The following NCALD variants were observed in gnomAD, a reference collection of about 807,000 sequenced individuals.
NCALD encodes the protein neurocalcin delta, also known as neurocalcin-delta.
Under a neutral mutation model 18.6 loss-of-function variants are expected in NCALD, and 10 were observed. That is an observed-to-expected ratio of 0.54 (90% confidence interval 0.33 to 0.91). NCALD has a LOEUF of 0.91. NCALD is among the 40% of genes least tolerant of loss of function. NCALD has a pLI of 0.03. For missense variants in NCALD, 184 were observed against 247.6 expected, an observed-to-expected ratio of 0.74 and a Z score of 1.72; for synonymous variants, 88 against 87.4, an observed-to-expected ratio of 1.01 and a Z score of -0.04.
intron 2 of NCALD, among the ~76,000 whole-genome samples, chr8:101,709,594 G>C (rs1815692816): frequency 6.6e-6 from 1 of 152,120 alleles, no homozygotes; most frequent in South Asian, 2.1e-4. Flanking sequence ...CCCATTGATG[G>C]ATCCATAAGG....
chr8:102,087,778 A>T (rs1824787758), intron 1 of NCALD, among the ~76,000 whole-genome samples: 1 of 152,110 alleles, frequency 6.6e-6, no homozygotes, highest in African/African-American at 2.4e-5. Flanking sequence ...AGAGCTGATG[A>T]GACTGCTGGA....
intron 4 of NCALD, among the ~76,000 whole-genome samples, chr8:101,829,679 C>A (rs1397596803): frequency 6.6e-6 from 1 of 151,722 alleles, no homozygotes; most frequent in Non-Finnish European, 1.5e-5. Flanking sequence ...CACACACATA[C>A]AAATTTAAAG....
intron 3 of NCALD, chr8:101,690,379 A>C (rs4734582): frequency 0.83 from 819,332 of 984,642 alleles, 347,622 homozygotes; most frequent in Non-Finnish European, 0.86. Flanking sequence ...TTTCTCTTGA[A>C]AGGAGCTGCC....
intron 4 of NCALD, among the ~76,000 whole-genome samples, chr8:101,856,678 C>T (rs1211023369): frequency 6.6e-6 from 1 of 152,130 alleles, no homozygotes; most frequent in Non-Finnish European, 1.5e-5. Context: ...AGAAAATCCT[C>T]CTCCTTAGCA....
intron 4 of NCALD, among the ~76,000 whole-genome samples, chr8:101,820,296 G>A (rs79105102): frequency 0.021 from 3,210 of 152,242 alleles, 116 homozygotes; most frequent in East Asian, 0.12. Context: ...TTCACTATGT[G>A]TGTGTTCACA....
intron 1 of NCALD, among the ~76,000 whole-genome samples, chr8:102,114,718 G>A (rs76232487): frequency 0.043 from 6,605 of 152,216 alleles, 233 homozygotes; most frequent in East Asian, 0.12. Flanking sequence ...GCTGATTTCT[G>A]GCCAAATTAT....
At chr8:101,799,633 A>G (rs1812764972) in intron 4 of NCALD, among the ~76,000 whole-genome samples, 4 of 152,236 alleles carry the variant, frequency 2.6e-5, no homozygotes, top group African/African-American at 4.8e-5. Flanking sequence ...GCCAGCATGA[A>G]TATCTAGAGA....
intron 1 of NCALD, among the ~76,000 whole-genome samples, chr8:102,115,056 C>T (rs1420033626): frequency 1.3e-5 from 2 of 152,234 alleles, no homozygotes; most frequent in Admixed American, 6.5e-5. Flanking sequence ...GGCATTAATC[C>T]TCCACTAGCA....
chr8:102,048,760 T>C (rs1053930174), intron 1 of NCALD, among the ~76,000 whole-genome samples: 2 of 152,218 alleles, frequency 1.3e-5, no homozygotes, highest in Non-Finnish European at 2.9e-5. Context: ...AAAAAATACA[T>C]GCACACACTT....
chr8:102,085,742 ACT>A (rs1280597877), intron 1 of NCALD, among the ~76,000 whole-genome samples: 4 of 148,506 alleles, frequency 2.7e-5, no homozygotes, highest in Non-Finnish European at 5.9e-5. Flanking sequence ...TGACAGCAAG[ACT>A]CTGTCTTTAA....
chr8:101,849,585 A>G (rs1815010037), intron 4 of NCALD, among the ~76,000 whole-genome samples: 2 of 152,186 alleles, frequency 1.3e-5, no homozygotes, highest in African/African-American at 2.4e-5. Flanking sequence ...GAAACCAGAA[A>G]GACACAAAAG....
At chr8:101,986,606 T>C (rs1433067873) in intron 2 of NCALD, 2 of 152,298 alleles carry the variant, frequency 1.3e-5, no homozygotes, top group Non-Finnish European at 2.9e-5. Context: ...AGCTGTCATC[T>C]GACTCTATGC....
At chr8:101,993,269 C>CA (rs1306815526) in intron 2 of NCALD, among the ~76,000 whole-genome samples, 1 of 151,968 alleles carries the variant, frequency 6.6e-6, no homozygotes, top group Non-Finnish European at 1.5e-5. Context: ...TGCCGTACCC[C>CA]AAATTACAAA....
intron 1 of NCALD, among the ~76,000 whole-genome samples, chr8:101,756,561 C>T (rs78676237): frequency 0.041 from 6,244 of 152,220 alleles, 185 homozygotes; most frequent in Non-Finnish European, 0.059. Context: ...CATCTTTGCA[C>T]GGAATAAGCC....
At chr8:101,999,150 C>T (rs1188933918) in intron 2 of NCALD, among the ~76,000 whole-genome samples, 1 of 148,516 alleles carries the variant, frequency 6.7e-6, no homozygotes, top group Non-Finnish European at 1.5e-5. Context: ...CCCATGGATG[C>T]TTGAATAATA....
At chr8:101,890,310 G>A (rs1816825539) in intron 3 of NCALD, among the ~76,000 whole-genome samples, 1 of 152,120 alleles carries the variant, frequency 6.6e-6, no homozygotes, top group African/African-American at 2.4e-5. Flanking sequence ...AACTGATAGT[G>A]GGGGTAGAAA....
chr8:101,691,171 C>T (rs1223871188), intron 3 of NCALD: 1 of 985,272 alleles, frequency 1.0e-6, no homozygotes, highest in Non-Finnish European at 1.2e-6. Context: ...GCTGAAGCAC[C>T]CAGTCTCCTG....
intron 2 of NCALD, among the ~76,000 whole-genome samples, chr8:101,922,795 C>T (rs774035761): frequency 8.5e-5 from 13 of 152,128 alleles, no homozygotes; most frequent in Non-Finnish European, 1.5e-4. Context: ...TGTTTTTCTT[C>T]TATACATACA....
chr8:101,698,912 A>G (rs1186789518), intron 2 of NCALD, among the ~76,000 whole-genome samples: 2 of 152,338 alleles, frequency 1.3e-5, no homozygotes, highest in East Asian at 3.9e-4. Flanking sequence ...AAAAAAGCCA[A>G]AACTGACAAA....
Sources: gnomAD v4.1 joint callset for allele counts (sites outside exome capture counted in the v4.1 genomes callset) on GRCh38, gnomAD v4.1.1 for gene constraint, MANE v1.5 for transcripts, NCBI Gene and HGNC (gene_info 2026-07-23, HGNC 2026-07-21) for gene names.